Variants in THSD7A observed in about 807,000 individuals in gnomAD.
The protein encoded by THSD7A is thrombospondin type-1 domain-containing protein 7A.
THSD7A carries 96 observed loss-of-function variants against 231.3 expected under a neutral mutation model. That is an observed-to-expected ratio of 0.41 (90% CI 0.35 to 0.49). THSD7A has a LOEUF of 0.49. Ranked by LOEUF, THSD7A falls within the 20% of genes least tolerant of loss-of-function variation. The probability of loss-of-function intolerance (pLI) is 0.05; values close to 1 mark genes in which losing one functional copy is unlikely to be tolerated. For missense variants in THSD7A, 2,290 were observed against 2,070.2 expected, an observed-to-expected ratio of 1.11 and a Z score of -2.06; for synonymous variants, 940 against 743.3, an observed-to-expected ratio of 1.26 and a Z score of -4.30.
chr7:11,408,844 C>T (rs1431567778), intron 19 of THSD7A, among the ~76,000 whole-genome samples: 1 of 152,102 alleles, frequency 6.6e-6, no homozygotes, highest in African/African-American at 2.4e-5. Flanking sequence ...AAACTTTTAC[C>T]ATATCACTCA....
rs1781830558 is a variant in THSD7A, at chr7:11,636,064, G to T, written c.1022+66C>A. ...ATCCAGAAGTTATTAGATAGTACCG[G>T]ATATCTTAGGTACTCATGATTCTTG... On this transcript the variant is annotated intron_variant, in intron 2 of 27. Transcript: ENST00000423059. The surrounding 1 kb of genome is among the most constrained non-coding windows in gnomAD (Gnocchi z 10.0). 1 of 1,395,786 alleles carries T rather than the reference G, an allele frequency of 7.2e-7. No homozygotes were observed. 86.5% of individuals were successfully genotyped at this position (1,395,786 alleles called of 1,614,324 possible). A position where few individuals can be genotyped will look rare whatever the true frequency, so the allele number is the denominator to read the frequency against.
At chr7:11,820,562 CTT>C in intron 1 of THSD7A, 2 of 717,708 alleles carry the variant, frequency 2.8e-6, no homozygotes, top group South Asian at 1.8e-5. Flanking sequence ...CATTGTTACT[CTT>C]GTTATTGTTC....
intron 7 of THSD7A, among the ~76,000 whole-genome samples, chr7:11,477,519 G>T (rs1786242476): frequency 1.3e-5 from 2 of 152,128 alleles, no homozygotes; most frequent in Admixed American, 1.3e-4. Context: ...TGCTTTTAAT[G>T]AGATTGAATT....
chr7:11,721,859 T>A (rs1271723367), intron 1 of THSD7A, among the ~76,000 whole-genome samples: 1 of 151,902 alleles, frequency 6.6e-6, no homozygotes, highest in Non-Finnish European at 1.5e-5. Flanking sequence ...CCAGCCCCAC[T>A]TATATCTCTA....
At chr7:11,594,799 A>G (rs1002899831) in intron 2 of THSD7A, among the ~76,000 whole-genome samples, 6 of 152,200 alleles carry the variant, frequency 3.9e-5, no homozygotes, top group Admixed American at 2.0e-4. Context: ...TTGTGGAAAA[A>G]CAGACACAAG....
At chr7:11,491,545 G>A (rs148679218) in intron 6 of THSD7A, among the ~76,000 whole-genome samples, 1 of 152,176 alleles carries the variant, frequency 6.6e-6, no homozygotes, top group African/African-American at 2.4e-5. Flanking sequence ...ATGTTTTCTG[G>A]AAGTGCTATG....
intron 23 of THSD7A, among the ~76,000 whole-genome samples, chr7:11,388,451 C>T (rs894296892): frequency 3.3e-5 from 5 of 152,134 alleles, no homozygotes; most frequent in Non-Finnish European, 7.4e-5. Context: ...TTATCCATTT[C>T]TTCTAGATTT....
intron 1 of THSD7A, among the ~76,000 whole-genome samples, chr7:11,715,882 C>A (rs894434604): frequency 6.6e-6 from 1 of 151,454 alleles, no homozygotes; most frequent in Non-Finnish European, 1.5e-5. Context: ...AAAGGCAAAT[C>A]AAATTTCTCT....
chr7:11,693,445 C>G (rs1320703225), intron 1 of THSD7A, among the ~76,000 whole-genome samples: 1 of 151,404 alleles, frequency 6.6e-6, no homozygotes, highest in Non-Finnish European at 1.5e-5. Flanking sequence ...AAATAAAGCT[C>G]AGGAAGTTTA....
intron 23 of THSD7A, among the ~76,000 whole-genome samples, chr7:11,397,339 G>A (rs939960822): frequency 9.9e-5 from 15 of 152,120 alleles, no homozygotes; most frequent in Non-Finnish European, 1.6e-4. Context: ...AAATGGTGTC[G>A]GGAAAACTGG....
intron 6 of THSD7A, among the ~76,000 whole-genome samples, chr7:11,535,978 A>AG (rs1292522756): frequency 6.6e-6 from 1 of 152,178 alleles, no homozygotes; most frequent in African/African-American, 2.4e-5. Flanking sequence ...ATGGCACAAA[A>AG]GGTACTCCCC....
At chr7:11,692,701 GACA>G (rs1293973709) in intron 1 of THSD7A, among the ~76,000 whole-genome samples, 2 of 151,424 alleles carry the variant, frequency 1.3e-5, no homozygotes, top group Non-Finnish European at 3.0e-5. Flanking sequence ...TAGTTTAAAA[GACA>G]ACAAGATTTC....
At chr7:11,392,699 A>AG (rs1783031747) in intron 23 of THSD7A, among the ~76,000 whole-genome samples, 1 of 152,088 alleles carries the variant, frequency 6.6e-6, no homozygotes, top group African/African-American at 2.4e-5. Context: ...TGGTGGGAGG[A>AG]GGGGTGTATA....
intron 1 of THSD7A, among the ~76,000 whole-genome samples, chr7:11,719,260 T>C (rs1781259541): frequency 6.6e-6 from 1 of 151,646 alleles, no homozygotes; most frequent in South Asian, 2.1e-4. Flanking sequence ...TGGTCTCTGT[T>C]TCCTCCCACC....
At position 11,832,034 on chromosome 7, in the gene THSD7A, C is replaced by T. The variant is rs560972125; in HGVS notation, c.-88G>A. On this transcript the variant is annotated 5_prime_UTR_variant, in exon 1 of 28. Transcript: ENST00000423059. ...TCTTGGAACGTCTTTTCAAAGAGTA[C>T]AGAAAGCAAAGCTCTTTCCTGCTAT... 14 of 910,656 alleles carry T rather than the reference C, an allele frequency of 1.5e-5. No individual in the cohort carries two copies. Among genetic ancestry groups the T allele is most frequent in the Admixed American group, 4.5e-5 (1 of 22,072 alleles). 56.4% of individuals were successfully genotyped at this position (910,656 alleles called of 1,614,324 possible). A position where few individuals can be genotyped will look rare whatever the true frequency, so the allele number is the denominator to read the frequency against.
intron 9 of THSD7A, among the ~76,000 whole-genome samples, chr7:11,465,084 T>C (rs554910867): frequency 6.6e-6 from 1 of 152,332 alleles, no homozygotes; most frequent in African/African-American, 2.4e-5. Flanking sequence ...ATGCGGTTGA[T>C]ATATTTGTAG....
chr7:11,821,706 G>A (rs1172919205), intron 1 of THSD7A, among the ~76,000 whole-genome samples: 1 of 152,022 alleles, frequency 6.6e-6, no homozygotes, highest in African/African-American at 2.4e-5. Context: ...CGTCCCCTGT[G>A]ACTTGGAACC....
At position 11,814,068 on chromosome 7, in the gene THSD7A, C is replaced by T. The variant is rs1784610026; in HGVS notation, c.190+17689G>A. ...ACAAAAGATCACGCAAGTTATGATG[C>T]CATTCATATGAAAGGTCCAGACTAG... On this transcript the variant is annotated intron_variant, in intron 1 of 27. Transcript: ENST00000423059. The surrounding 1 kb of genome is among the most constrained non-coding windows in gnomAD (Gnocchi z 5.1). 6.6e-6 allele frequency among the ~76,000 whole-genome samples: 1 copy of T among 152,134 alleles called. No individual in the cohort carries two copies. Among genetic ancestry groups the T allele is most frequent in the Non-Finnish European group, 1.5e-5 (1 of 68,030 alleles).
rs1205054207 is a variant in THSD7A at position 11,528,022 on chromosome 7, C to G, written c.1822+13397G>C. Among the ~76,000 whole-genome samples the G allele has an allele frequency of 5.9e-5, 9 of 152,154 alleles. No individual in the cohort carries two copies. The East Asian group carries it at 1.5e-3, about 26-fold the overall frequency. ...TAAAAACTTAAATTAAAACAACTAG[C>G]TGGGCCTAGTGGTGCACACCTGTTG... On this transcript the variant is annotated intron_variant, in intron 6 of 27. Coordinates refer to ENST00000423059, the MANE Select transcript of THSD7A (RefSeq NM_015204.3).
Sources: allele counts gnomAD v4.1 joint callset (sites outside exome capture counted in the v4.1 genomes callset), GRCh38; gene constraint gnomAD v4.1.1; non-coding constraint Gnocchi (gnomAD v3.1); transcripts MANE v1.5; gene names NCBI Gene and HGNC (gene_info 2026-07-23, HGNC 2026-07-21).